The following RBFOX1 variants were observed in gnomAD, a reference collection of about 807,000 sequenced individuals.
The protein encoded by RBFOX1 is RNA binding protein fox-1 homolog 1.
RBFOX1 carries 8 observed loss-of-function variants against 57.7 expected under a neutral mutation model. The observed-to-expected ratio is 0.14, with a 90% CI of 0.08 to 0.25. The LOEUF is 0.25. Ranked by LOEUF, RBFOX1 falls within the 10% of genes least tolerant of loss-of-function variation. The pLI is 1.00. For missense variants in RBFOX1, 611 were observed against 548.5 expected (o/e 1.11, Z -1.14); for synonymous variants, 326 against 222.4 (o/e 1.47, Z -4.15).
At chr16:5,900,429 C>A (rs1207980125) in intron 4 of RBFOX1, among the ~76,000 whole-genome samples, 2 of 152,174 alleles carry the variant, frequency 1.3e-5, no homozygotes, top group Non-Finnish European at 2.9e-5. Flanking sequence ...ATTCCCCAAA[C>A]AACTGTGTTT....
chr16:5,818,532 A>G (rs139334294), intron 3 of RBFOX1, among the ~76,000 whole-genome samples: 6 of 152,334 alleles, frequency 3.9e-5, no homozygotes, highest in African/African-American at 1.4e-4. Context: ...TCCGTCTCGG[A>G]AGACACAAGG....
chr16:6,845,254 A>T (rs1202941832), intron 3 of RBFOX1, among the ~76,000 whole-genome samples: 2 of 150,106 alleles, frequency 1.3e-5, no homozygotes, highest in Admixed American at 1.3e-4. Flanking sequence ...CCTTGCCCGT[A>T]CCTGTGTCCT....
At chr16:6,578,006 C>T (rs945445973) in intron 2 of RBFOX1, among the ~76,000 whole-genome samples, 5 of 152,330 alleles carry the variant, frequency 3.3e-5, no homozygotes, top group Non-Finnish European at 7.4e-5. Context: ...TGAAGGGTGT[C>T]ACCCAACAGT....
At chr16:7,049,801 C>T (rs35964028) in intron 3 of RBFOX1, among the ~76,000 whole-genome samples, 11,361 of 152,202 alleles carry the variant, frequency 0.075, 680 homozygotes, top group East Asian at 0.28. Context: ...AGTGTTTTCG[C>T]TCCATCTTGT....
intron 4 of RBFOX1, among the ~76,000 whole-genome samples, chr16:5,962,633 A>G (rs902271774): frequency 1.3e-5 from 2 of 152,110 alleles, no homozygotes; most frequent in Non-Finnish European, 2.9e-5. Flanking sequence ...AATGTTGTTT[A>G]TGATGATATG....
At position 7,639,548 on chromosome 16, in the gene RBFOX1, T is replaced by C. The variant is rs1050572547; in HGVS notation, c.757+8865T>C. 3.9e-5 allele frequency among the ~76,000 whole-genome samples: 6 copies of C among 152,194 alleles called. No homozygotes were observed. The South Asian group carries it at 1.0e-3, about 26-fold the overall frequency. On this transcript the variant is annotated intron_variant, in intron 11 of 15. Transcript: ENST00000550418. Reference sequence around the variant, plus strand: ...CTGAAAATATGCTGTGAAGATACTCTCAAGTTGGCTTCTATTATACCTATA... The same window carrying C: ...CTGAAAATATGCTGTGAAGATACTCCCAAGTTGGCTTCTATTATACCTATA...
intron 5 of RBFOX1, among the ~76,000 whole-genome samples, chr16:7,545,920 C>T (rs1234980490): frequency 6.6e-6 from 1 of 150,936 alleles, no homozygotes; most frequent in African/African-American, 2.4e-5. Context: ...TTTTGAGAGT[C>T]ACGTGCAAAA....
intron 1 of RBFOX1, among the ~76,000 whole-genome samples, chr16:6,140,870 A>G (rs1007857627): frequency 7.2e-5 from 11 of 152,204 alleles, no homozygotes; most frequent in African/African-American, 2.6e-4. Context: ...CCCATTTACT[A>G]CCCTTTTAAT....
At chr16:5,955,547 G>A (rs968661702) in intron 4 of RBFOX1, among the ~76,000 whole-genome samples, 2 of 151,950 alleles carry the variant, frequency 1.3e-5, no homozygotes, top group African/African-American at 4.8e-5. Context: ...AAGGTTTATT[G>A]AACACCTACA....
intron 4 of RBFOX1, among the ~76,000 whole-genome samples, chr16:7,454,397 G>A (rs1365636256): frequency 2.0e-5 from 3 of 152,166 alleles, no homozygotes; most frequent in Non-Finnish European, 4.4e-5. Context: ...CATATCAAAG[G>A]CAGATTGTCT....
At chr16:7,638,714 C>G in intron 11 of RBFOX1, among the ~76,000 whole-genome samples, 1 of 152,328 alleles carries the variant, frequency 6.6e-6, no homozygotes, top group South Asian at 2.1e-4. Context: ...TAGCCATAGA[C>G]TACTGTACAT....
intron 14 of RBFOX1, among the ~76,000 whole-genome samples, chr16:7,679,368 A>G (rs1019805888): frequency 2.6e-5 from 4 of 152,248 alleles, no homozygotes; most frequent in African/African-American, 4.8e-5. Flanking sequence ...TCAGTAAGTG[A>G]TGGAAGCTTA....
chr16:5,863,766 C>T (rs919588003), intron 3 of RBFOX1, among the ~76,000 whole-genome samples: 3 of 152,194 alleles, frequency 2.0e-5, no homozygotes, highest in African/African-American at 7.2e-5. Flanking sequence ...AGCCGTACCA[C>T]TCCCTGTTGC....
At chr16:5,899,727 G>A (rs112476462) in intron 4 of RBFOX1, among the ~76,000 whole-genome samples, 6 of 152,168 alleles carry the variant, frequency 3.9e-5, no homozygotes, top group East Asian at 1.9e-4. Context: ...ATTCCAACCC[G>A]CCTGGTCCAT....
chr16:5,324,843 G>A (rs766674087), intron 1 of RBFOX1, among the ~76,000 whole-genome samples: 3 of 152,162 alleles, frequency 2.0e-5, no homozygotes, highest in Non-Finnish European at 4.4e-5. Flanking sequence ...GGAAGAGGGA[G>A]AAGATTGGAG....
chr16:6,888,644 T>C (rs1160623568), intron 3 of RBFOX1, among the ~76,000 whole-genome samples: 6 of 152,156 alleles, frequency 3.9e-5, no homozygotes, highest in Admixed American at 6.5e-5. Flanking sequence ...TGCAGGTCAG[T>C]ATTTATACTA....
At chr16:6,144,507 A>C (rs2152708385) in intron 1 of RBFOX1, among the ~76,000 whole-genome samples, 1 of 152,376 alleles carries the variant, frequency 6.6e-6, no homozygotes, top group African/African-American at 2.4e-5. Flanking sequence ...CAAGATCGGA[A>C]TAGCATTGAA....
intron 4 of RBFOX1, among the ~76,000 whole-genome samples, chr16:7,366,393 C>T (rs1207039907): frequency 2.0e-5 from 3 of 152,140 alleles, no homozygotes; most frequent in Non-Finnish European, 4.4e-5. Flanking sequence ...AGGGAAGCTG[C>T]GCCCTGACAT....
chr16:7,420,768 C>CT lies in RBFOX1; in HGVS notation c.28-97369dup, dbSNP rs1013074689. On this transcript the variant is annotated intron_variant, in intron 4 of 15. Coordinates refer to ENST00000550418, the MANE Select transcript of RBFOX1 (RefSeq NM_018723.4). Reference sequence around the variant, plus strand: ...AGAGCATTTTTTTCTTTATATTGATCTTTTTTTTTTCTTATAAGATCTGTT... The same window carrying CT: ...AGAGCATTTTTTTCTTTATATTGATCTTTTTTTTTTTCTTATAAGATCTGTT... Among the ~76,000 whole-genome samples the CT allele has an allele frequency of 2.9e-4, 42 of 147,132 alleles. No individual in the cohort carries two copies. In the South Asian group the frequency reaches 3.4e-3, roughly 12 times the overall value.
Sources: allele counts gnomAD v4.1 joint callset (sites outside exome capture counted in the v4.1 genomes callset), GRCh38; gene constraint gnomAD v4.1.1; transcripts MANE v1.5; gene names NCBI Gene and HGNC (gene_info 2026-07-23, HGNC 2026-07-21).